The following SIPA1L1 variants were observed in gnomAD, a reference collection of about 807,000 sequenced individuals.
SIPA1L1 encodes signal-induced proliferation-associated 1-like protein 1.
A neutral mutation model predicts 162.7 loss-of-function variants in SIPA1L1; 26 were observed. The observed-to-expected ratio is 0.16, with a 90% CI of 0.12 to 0.22. SIPA1L1 has a LOEUF of 0.22. Ranked by LOEUF, SIPA1L1 falls within the 10% of genes least tolerant of loss-of-function variation. The pLI, the probability that SIPA1L1 is intolerant of heterozygous loss-of-function variation, is 1.00. For missense variants in SIPA1L1, 1,874 were observed against 2,241.0 expected, an observed-to-expected ratio of 0.84 and a Z score of 3.31; for synonymous variants, 829 against 837.4, an observed-to-expected ratio of 0.99 and a Z score of 0.17.
intron 2 of SIPA1L1, among the ~76,000 whole-genome samples, chr14:71,390,540 C>G (rs2040662864): frequency 6.6e-6 from 1 of 152,036 alleles, no homozygotes; most frequent in Non-Finnish European, 1.5e-5. Flanking sequence ...CTTTGGGAGG[C>G]CAAGGGAGGT....
chr14:71,637,575 T>A (rs190619599), intron 7 of SIPA1L1, among the ~76,000 whole-genome samples: 172 of 150,938 alleles, frequency 1.1e-3, no homozygotes, highest in Middle Eastern at 3.4e-3. Flanking sequence ...ACAAAAAATT[T>A]AAAAAAAAAG....
rs1490157780 is a variant in SIPA1L1, at chr14:71,529,372, T to C, written c.-303+2T>C. 1 of 680,682 alleles carries C rather than the reference T, an allele frequency of 1.5e-6. No homozygotes were observed. The highest frequency in any genetic ancestry group is 2.7e-6 in the Non-Finnish European group (1 of 373,336). 42.2% of individuals were successfully genotyped at this position (680,682 alleles called of 1,614,324 possible). A position where few individuals can be genotyped will look rare whatever the true frequency, so the allele number is the denominator to read the frequency against. On this transcript the variant is annotated splice_donor_variant, in intron 4 of 23. Coordinates refer to ENST00000381232, the MANE Select transcript of SIPA1L1 (RefSeq NM_001386936.1). LOFTEE classifies it low-confidence loss of function (5UTR_SPLICE). ...CGGTAGCCATGGCACAAGAATATAG[T>C]AAGTACTATGCCATACTTCCTATGA...
At chr14:71,606,420 T>A (rs2037507728) in intron 5 of SIPA1L1, among the ~76,000 whole-genome samples, 1 of 152,148 alleles carries the variant, frequency 6.6e-6, no homozygotes, top group Non-Finnish European at 1.5e-5. Context: ...TCCAGGAATG[T>A]GGAGATGCAA....
intron 12 of SIPA1L1, among the ~76,000 whole-genome samples, chr14:71,678,379 T>C (rs1349484754): frequency 1.3e-5 from 2 of 152,250 alleles, no homozygotes; most frequent in African/African-American, 4.8e-5. Flanking sequence ...AGAGGCCTTT[T>C]CTGCATCTAT....
chr14:71,542,479 C>T (rs35415083), intron 4 of SIPA1L1, among the ~76,000 whole-genome samples: 24,359 of 150,654 alleles, frequency 0.16, 2,589 homozygotes, highest in Middle Eastern at 0.34. Context: ...GCTTCTGCTT[C>T]TGCTTCTTCT....
intron 2 of SIPA1L1, among the ~76,000 whole-genome samples, chr14:71,512,215 T>C (rs913377502): frequency 6.6e-6 from 1 of 152,190 alleles, no homozygotes; most frequent in African/African-American, 2.4e-5. Flanking sequence ...CCTTTTTGTC[T>C]CTTGCCCAAA....
intron 4 of SIPA1L1, chr14:71,574,870 A>T (rs999143458): frequency 6.6e-6 from 1 of 152,212 alleles, no homozygotes; most frequent in East Asian, 1.9e-4. Flanking sequence ...AGTTTAGGGG[A>T]TTAGATTAAA....
intron 13 of SIPA1L1, among the ~76,000 whole-genome samples, chr14:71,692,716 G>A (rs17767797): frequency 0.033 from 5,011 of 152,316 alleles, 130 homozygotes; most frequent in Non-Finnish European, 0.051. Context: ...CTCCAGTACT[G>A]TGTCCAGCTC....
At chr14:71,336,054 T>A (rs1426149440) in intron 2 of SIPA1L1, among the ~76,000 whole-genome samples, 1 of 152,224 alleles carries the variant, frequency 6.6e-6, no homozygotes, top group Non-Finnish European at 1.5e-5. Context: ...ACTGTCTTAG[T>A]CTTCCTAAAG....
intron 4 of SIPA1L1, among the ~76,000 whole-genome samples, chr14:71,538,067 A>G (rs982345101): frequency 2.0e-5 from 3 of 152,150 alleles, no homozygotes; most frequent in Non-Finnish European, 4.4e-5. Flanking sequence ...TCTCCTTTCT[A>G]ATTTCTTACC....
intron 2 of SIPA1L1, among the ~76,000 whole-genome samples, chr14:71,493,290 C>T (rs914062802): frequency 1.3e-5 from 2 of 151,852 alleles, no homozygotes; most frequent in East Asian, 3.9e-4. Context: ...GATGGGGTTT[C>T]ACCATGTTAC....
At chr14:71,478,837 A>T (rs1479479396) in intron 2 of SIPA1L1, among the ~76,000 whole-genome samples, 2 of 152,194 alleles carry the variant, frequency 1.3e-5, no homozygotes, top group Non-Finnish European at 2.9e-5. Flanking sequence ...CTACATCTTG[A>T]GATCAGAGCT....
intron 21 of SIPA1L1, among the ~76,000 whole-genome samples, chr14:71,734,476 A>G (rs2085098684): frequency 6.6e-6 from 1 of 152,104 alleles, no homozygotes; most frequent in African/African-American, 2.4e-5. Flanking sequence ...TCTTTCTAAA[A>G]TTTTTATTAT....
intron 3 of SIPA1L1, among the ~76,000 whole-genome samples, chr14:71,518,054 C>T (rs553934047): frequency 4.6e-5 from 7 of 152,026 alleles, no homozygotes; most frequent in Middle Eastern, 3.4e-3. Flanking sequence ...GAGGCTGAGG[C>T]GGGTGAATCA....
At chr14:71,579,556 G>A (rs1567235796) in intron 4 of SIPA1L1, among the ~76,000 whole-genome samples, 2 of 152,118 alleles carry the variant, frequency 1.3e-5, no homozygotes, top group African/African-American at 2.4e-5. Flanking sequence ...CAGAGATAAC[G>A]GTACAGTCAG....
At chr14:71,637,294 A>G (rs1271254632) in intron 7 of SIPA1L1, among the ~76,000 whole-genome samples, 2 of 152,104 alleles carry the variant, frequency 1.3e-5, no homozygotes, top group African/African-American at 2.4e-5. Flanking sequence ...CTGTGCTCTA[A>G]AAATAGGAGA....
intron 4 of SIPA1L1, among the ~76,000 whole-genome samples, chr14:71,571,895 G>A (rs562435878): frequency 1.5e-4 from 22 of 150,302 alleles, no homozygotes; most frequent in Non-Finnish European, 2.4e-4. Context: ...CTCATGATCC[G>A]CTCGCTTCAG....
At chr14:71,713,087 AC>A (rs2082997915) in intron 17 of SIPA1L1, among the ~76,000 whole-genome samples, 2 of 152,236 alleles carry the variant, frequency 1.3e-5, no homozygotes, top group South Asian at 4.1e-4. Flanking sequence ...GGGCACGGTG[AC>A]ATGGGCCTAT....
chr14:71,504,475 T>C (rs2050494921), intron 2 of SIPA1L1, among the ~76,000 whole-genome samples: 1 of 152,182 alleles, frequency 6.6e-6, no homozygotes. Context: ...TTTTCTGTTG[T>C]AGTTATATAG....
Sources: allele counts gnomAD v4.1 joint callset (sites outside exome capture counted in the v4.1 genomes callset), GRCh38; gene constraint gnomAD v4.1.1; transcripts MANE v1.5; gene names NCBI Gene and HGNC (gene_info 2026-07-23, HGNC 2026-07-21).